DERA: variants seen among roughly 807,000 people sequenced by gnomAD.
DERA encodes the protein 2-deoxy-D-ribose 5-phosphate aldolase.
DERA carries 15 observed loss-of-function variants against 41.1 expected under a neutral mutation model. The observed-to-expected ratio is 0.37, with a 90% CI of 0.24 to 0.56. The LOEUF is 0.56. Among genes scored for constraint, DERA ranks in the 20% least tolerant of loss-of-function variants. The pLI, the probability that DERA is intolerant of heterozygous loss-of-function variation, is 0.81. For synonymous variants in DERA, 139 were observed against 137.4 expected (o/e 1.01, Z -0.08); for missense variants, 396 against 403.4 (o/e 0.98, Z 0.16).
chr12:16,001,253 A>G lies in DERA; in HGVS notation c.637+18817A>G, dbSNP rs189169035. On this transcript the variant is annotated intron_variant, in intron 6 of 8. Coordinates refer to ENST00000428559, the MANE Select transcript of DERA (RefSeq NM_015954.4). This position sits in a 1 kb window ranked among gnomAD's most constrained non-coding sequence, Gnocchi z 4.1. ...TGCACATTCTGCACATGTTTATCCT[A>G]TTTTTTTGTTTGTTTGTTTGTTTTT... Among the ~76,000 whole-genome samples, 86 of 152,132 alleles carry G rather than the reference A, an allele frequency of 5.7e-4. 1 individual carries two copies. Among genetic ancestry groups the G allele is most frequent in the Admixed American group, 5.2e-3 (80 of 15,286 alleles).
rs1949133389 is a variant in DERA at position 16,036,913 on chromosome 12, A to G, written c.*167A>G. On this transcript the variant is annotated 3_prime_UTR_variant, in exon 9 of 9. Transcript: ENST00000428559. The surrounding 1 kb of genome is among the most constrained non-coding windows in gnomAD (Gnocchi z 4.9). Reference sequence around the variant, plus strand: ...GAATGGAAAAAGCAAACTCATCCACATGTGGTACTCATTTCAGGCACATCT... The same window carrying G: ...GAATGGAAAAAGCAAACTCATCCACGTGTGGTACTCATTTCAGGCACATCT... The G allele has an allele frequency of 1.7e-6, 1 of 596,552 alleles. No homozygotes were observed. The highest frequency in any genetic ancestry group is 1.9e-5 in the African/African-American group (1 of 51,808). 37.0% of individuals were successfully genotyped at this position (596,552 alleles called of 1,614,324 possible).
At position 15,976,862 on chromosome 12, in the gene DERA, G is replaced by A. The variant is rs894399063; in HGVS notation, c.509-5446G>A. Reference sequence around the variant, plus strand: ...CTTTCCCAAGTAACACCACTAATCAGCGGCCAAGCAAGGGCTGAGAAGTCC... The same window carrying A: ...CTTTCCCAAGTAACACCACTAATCAACGGCCAAGCAAGGGCTGAGAAGTCC... On this transcript the variant is annotated intron_variant, in intron 5 of 8. Transcript: ENST00000428559. This position sits in a 1 kb window ranked among gnomAD's most constrained non-coding sequence, Gnocchi z 4.1. Among the ~76,000 whole-genome samples the A allele has an allele frequency of 6.6e-6, 1 of 152,104 alleles. No homozygotes were observed. Among genetic ancestry groups the A allele is most frequent in the African/African-American group, 2.4e-5 (1 of 41,412 alleles).
In DERA at chr12:15,988,444, C is replaced by T. The variant is rs1419988370; in HGVS notation, c.637+6008C>T. On this transcript the variant is annotated intron_variant, in intron 6 of 8. Transcript: ENST00000428559. The surrounding 1 kb of genome is among the most constrained non-coding windows in gnomAD (Gnocchi z 6.0). The stretch of plus-strand genomic sequence containing the variant: ...GCAGGTCATCCCAACAAGTGTCCAG[C>T]TCTCAGTAGAGAGGAGACCTGTAGT... Among the ~76,000 whole-genome samples the T allele has an allele frequency of 6.6e-6, 1 of 152,102 alleles. No homozygotes were observed. Among genetic ancestry groups the T allele is most frequent in the African/African-American group, 2.4e-5 (1 of 41,418 alleles).
In DERA at chr12:16,002,983, C is replaced by A. The variant is rs149299387; in HGVS notation, c.637+20547C>A. On this transcript the variant is annotated intron_variant, in intron 6 of 8. Transcript: ENST00000428559. The stretch of plus-strand genomic sequence containing the variant: ...AAATATTTGAGACCCACTCCTTATG[C>A]TCCTAACCCCTTATCACCACAAACT... 9.1e-4 allele frequency among the ~76,000 whole-genome samples: 139 copies of A among 152,340 alleles called. 2 individuals are homozygous for A. The East Asian group carries it at 0.026, about 28-fold the overall frequency.
At chr12:16,005,833 T>C (rs1362422916) in intron 6 of DERA, among the ~76,000 whole-genome samples, 2 of 152,226 alleles carry the variant, frequency 1.3e-5, no homozygotes, top group South Asian at 2.1e-4. Context: ...CCTGTAGACA[T>C]AGAAGATTAT....
chr12:15,982,388 G>A lies in DERA; in HGVS notation c.589G>A (p.Gly197Arg), dbSNP rs746455619. ...LKTILATGEL[G>R]TLTNVYKASM... Reference sequence around the variant, plus strand: ...AACTATATTAGCGACAGGAGAACTTGGAACTCTTACTAATGTCTATAAAGC... The same window carrying A: ...AACTATATTAGCGACAGGAGAACTTAGAACTCTTACTAATGTCTATAAAGC... Residue 197 changes from glycine (G) to arginine (R), a missense_variant, in exon 6 of 9, where the codon GGA becomes AGA. Transcript: ENST00000428559. This position sits in a 1 kb window ranked among gnomAD's most constrained non-coding sequence, Gnocchi z 4.0. 1.7e-5 allele frequency: 27 copies of A among 1,613,778 alleles called. No homozygotes were observed. Among genetic ancestry groups the A allele is most frequent in the Middle Eastern group, 3.3e-4 (2 of 6,062 alleles).
At position 16,000,711 on chromosome 12, in the gene DERA, T is replaced by C. The variant is rs755965313; in HGVS notation, c.637+18275T>C. ...CCAGCAAAGGCTGTTTGTAGAACGTTAGCTGCTATCACACTGGCTTGATAT... is the reference window on the plus strand; with the variant it reads ...CCAGCAAAGGCTGTTTGTAGAACGTCAGCTGCTATCACACTGGCTTGATAT... On this transcript the variant is annotated intron_variant, in intron 6 of 8. Transcript: ENST00000428559. The surrounding 1 kb of genome is among the most constrained non-coding windows in gnomAD (Gnocchi z 4.8). 1.3e-5 allele frequency among the ~76,000 whole-genome samples: 2 copies of C among 152,228 alleles called. No individual in the cohort carries two copies. Among genetic ancestry groups the C allele is most frequent in the Non-Finnish European group, 2.9e-5 (2 of 68,032 alleles).
rs1948390328 is a variant in DERA, at chr12:15,938,883, A to G, written c.32-18053A>G. 1.3e-5 allele frequency among the ~76,000 whole-genome samples: 2 copies of G among 152,352 alleles called. No homozygotes were observed. Among genetic ancestry groups the G allele is most frequent in the South Asian group, 4.1e-4 (2 of 4,828 alleles). On this transcript the variant is annotated intron_variant, in intron 1 of 8. Coordinates refer to ENST00000428559, the MANE Select transcript of DERA (RefSeq NM_015954.4). The surrounding 1 kb of genome is among the most constrained non-coding windows in gnomAD (Gnocchi z 4.1). Reference sequence around the variant, plus strand: ...AGTCTTCTCAATTTCATTTCTTTCCAGTACAGAATGTAAGCTTATCTAATT... The same window carrying G: ...AGTCTTCTCAATTTCATTTCTTTCCGGTACAGAATGTAAGCTTATCTAATT...
intron 4 of DERA, among the ~76,000 whole-genome samples, chr12:15,960,489 T>G (rs1432755230): frequency 6.6e-6 from 1 of 150,874 alleles, no homozygotes; most frequent in African/African-American, 2.4e-5. Flanking sequence ...AATACAAAAA[T>G]TAGCCAGGCA....
chr12:15,914,752 A>G (rs975720492), intron 1 of DERA, among the ~76,000 whole-genome samples: 3 of 152,122 alleles, frequency 2.0e-5, no homozygotes, highest in Middle Eastern at 3.2e-3. Flanking sequence ...CATTTCAAAG[A>G]TATCTGAAAA....
At position 15,956,996 on chromosome 12, in the gene DERA, A is replaced by C. The variant is rs368479950; in HGVS notation, c.92A>C (p.Gln31Pro). The C allele has an allele frequency of 1.2e-6, 2 of 1,613,974 alleles. No homozygotes were observed. The highest frequency in any genetic ancestry group is 1.7e-6 in the Non-Finnish European group (2 of 1,179,866). Residue 31 changes from glutamine (Q) to proline (P), a missense_variant, in exon 2 of 9, where the codon CAA (glutamine) becomes CCA (proline). Transcript: ENST00000428559. Reference protein sequence around the residue: ...NHPAVLRRAEQIQARRTVKKE... With the variant: ...NHPAVLRRAEPIQARRTVKKE... ...CCGGCAGTTCTGAGGCGTGCGGAACAAATCCAGGCTCGCAGAACCGTGAAA... is the reference window on the plus strand; with the variant it reads ...CCGGCAGTTCTGAGGCGTGCGGAACCAATCCAGGCTCGCAGAACCGTGAAA...
In DERA at chr12:16,011,989, T is replaced by G. The variant is rs2136179674; in HGVS notation, c.638-20553T>G. On this transcript the variant is annotated intron_variant, in intron 6 of 8. Coordinates refer to ENST00000428559, the MANE Select transcript of DERA (RefSeq NM_015954.4). This position sits in a 1 kb window ranked among gnomAD's most constrained non-coding sequence, Gnocchi z 4.7. ...GAGACAGATAAAGAATTTTTCTAAA[T>G]TAGGCAATCAAACCAAGAAAAAACA... 6.6e-6 allele frequency among the ~76,000 whole-genome samples: 1 copy of G among 150,458 alleles called. No homozygotes were observed. The highest frequency in any genetic ancestry group is 3.4e-3 in the Middle Eastern group (1 of 294).
In DERA at chr12:15,913,940, A is replaced by G. The variant is rs559959053; in HGVS notation, c.31+2526A>G. 6.6e-6 allele frequency among the ~76,000 whole-genome samples: 1 copy of G among 152,230 alleles called. No individual in the cohort carries two copies. The highest frequency in any genetic ancestry group is 2.1e-4 in the South Asian group (1 of 4,832). On this transcript the variant is annotated intron_variant, in intron 1 of 8. Coordinates refer to ENST00000428559, the MANE Select transcript of DERA (RefSeq NM_015954.4). The surrounding 1 kb of genome is among the most constrained non-coding windows in gnomAD (Gnocchi z 4.5). ...TAGACTATTATGCCCTATATAGTCT[A>G]TTAAAATGTACAGATATTCTTCTAT... is the stretch of plus-strand genomic sequence containing the variant.
At position 15,920,082 on chromosome 12, in the gene DERA, T is replaced by C. The variant is rs149064851; in HGVS notation, c.31+8668T>C. Among the ~76,000 whole-genome samples the C allele has an allele frequency of 3.0e-5, 4 of 133,858 alleles. 1 individual carries two copies. Among genetic ancestry groups the C allele is most frequent in the South Asian group, 5.9e-4 (2 of 3,380 alleles). The allele number at this position is 133,858 out of a possible 152,430, so 87.8% of individuals were successfully genotyped here. A position where few individuals can be genotyped will look rare whatever the true frequency, so the allele number is the denominator to read the frequency against. ...TCATTCAAATGTCTAAAATTTGACATTGAACTAGGTATCTGGCCTGCTGAA... is the reference window on the plus strand; with the variant it reads ...TCATTCAAATGTCTAAAATTTGACACTGAACTAGGTATCTGGCCTGCTGAA... On this transcript the variant is annotated intron_variant, in intron 1 of 8. Coordinates refer to ENST00000428559, the MANE Select transcript of DERA (RefSeq NM_015954.4).
chr12:15,997,332 A>G (rs1388143427), intron 6 of DERA, among the ~76,000 whole-genome samples: 3 of 152,178 alleles, frequency 2.0e-5, no homozygotes, highest in African/African-American at 7.2e-5. Context: ...AAATATTTGC[A>G]GGCTTCTAGG....
At chr12:15,961,552 A>G in intron 4 of DERA, among the ~76,000 whole-genome samples, 1 of 152,184 alleles carries the variant, frequency 6.6e-6, no homozygotes, top group East Asian at 1.9e-4. Context: ...AAAGGTCATT[A>G]GCTTATTAGG....
In DERA at chr12:16,036,359, T is replaced by C; in HGVS notation, c.878T>C (p.Leu293Pro). 2 of 1,608,274 alleles carry C rather than the reference T, an allele frequency of 1.2e-6. No individual in the cohort carries two copies. The highest frequency in any genetic ancestry group is 1.1e-5 in the South Asian group (1 of 90,002). ...PELFRIGAST[L>P]LSDIERQIYH... ...CTCTTTCGAATAGGTGCCAGTACTCTGCTCTCGGACATTGAGAGGCAGGTG... is the reference window on the plus strand; with the variant it reads ...CTCTTTCGAATAGGTGCCAGTACTCCGCTCTCGGACATTGAGAGGCAGGTG... The change falls in exon 8 of 9, where the codon CTG (leucine) becomes CCG (proline). Residue 293 changes from leucine (L) to proline (P), a missense_variant. Transcript: ENST00000428559. The surrounding 1 kb of genome is among the most constrained non-coding windows in gnomAD (Gnocchi z 4.9).
intron 6 of DERA, among the ~76,000 whole-genome samples, chr12:16,007,558 T>C (rs945972032): frequency 6.6e-6 from 1 of 152,226 alleles, no homozygotes; most frequent in Non-Finnish European, 1.5e-5. Flanking sequence ...ATTAAGTTTC[T>C]AGTATCCACT....
At position 16,032,030 on chromosome 12, in the gene DERA, A is replaced by G. The variant is rs577549436; in HGVS notation, c.638-512A>G. Among the ~76,000 whole-genome samples the G allele has an allele frequency of 2.0e-5, 3 of 152,308 alleles. No individual in the cohort carries two copies. The East Asian group carries it at 5.8e-4, about 29-fold the overall frequency. On this transcript the variant is annotated intron_variant, in intron 6 of 8. Coordinates refer to ENST00000428559, the MANE Select transcript of DERA (RefSeq NM_015954.4). Reference sequence around the variant, plus strand: ...AAATAGCGTGGTCTCTTTCATGGAAATGCTAATCTGGTTGGAAGACAGTTC... The same window carrying G: ...AAATAGCGTGGTCTCTTTCATGGAAGTGCTAATCTGGTTGGAAGACAGTTC...
Sources: gnomAD v4.1 joint callset for allele counts (sites outside exome capture counted in the v4.1 genomes callset) on GRCh38, gnomAD v4.1.1 for gene constraint, Gnocchi (gnomAD v3.1) non-coding constraint, MANE v1.5 for transcripts, NCBI Gene and HGNC (gene_info 2026-07-23, HGNC 2026-07-21) for gene names.